Variants in EPS8L1 observed in about 807,000 individuals in gnomAD.
EPS8L1 encodes the protein EPS8 signaling adaptor L1.
EPS8L1 carries 101 observed loss-of-function variants against 91.7 expected under a neutral mutation model. That is an observed-to-expected ratio of 1.10 (90% CI 0.94 to 1.30). The LOEUF is 1.30. EPS8L1 is among the 50% of genes most tolerant of loss of function. The pLI is 0.00. For missense variants in EPS8L1, 1,114 were observed against 1,017.0 expected (o/e 1.10, Z -1.30); for synonymous variants, 506 against 445.3 (o/e 1.14, Z -1.72).
In EPS8L1 at chr19:55,083,620, G is replaced by C; in HGVS notation, c.1361G>C (p.Ser454Thr). 1.3e-6 allele frequency: 2 copies of C among 1,596,142 alleles called. No homozygotes were observed. The highest frequency in any genetic ancestry group is 1.7e-6 in the Non-Finnish European group (2 of 1,171,902). ...LQHERRRRQQ[S>T]APQVAVNGHR... ...CGACTGTCTTACTTCCTACAGCAAA[G>C]CGCCCCCCAGGTCGCTGTCAATGGG... The change falls in exon 14 of 20, where the codon AGC (serine) becomes ACC (threonine). Residue 454 changes from serine (S) to threonine (T), a missense_variant. Ser to Thr is a moderately conservative substitution (Grantham distance 58). Coordinates refer to ENST00000201647, the MANE Select transcript of EPS8L1 (RefSeq NM_133180.3). This position sits in a 1 kb window ranked among gnomAD's most constrained non-coding sequence, Gnocchi z 4.7.
Position 55,076,410 on chromosome 19 carries a change from C to T in EPS8L1, c.-35C>T, listed in dbSNP as rs748030180. 14 of 1,610,044 alleles carry T rather than the reference C, an allele frequency of 8.7e-6. No homozygotes were observed. The highest frequency in any genetic ancestry group is 4.5e-5 in the East Asian group (2 of 44,654). On this transcript the variant is annotated splice_region_variant and 5_prime_UTR_variant, in exon 2 of 20. Coordinates refer to ENST00000201647, the MANE Select transcript of EPS8L1 (RefSeq NM_133180.3). Reference sequence around the variant, plus strand: ...TTCACATGTTTGCTGGCTCCCAGGGCACCTCCAGGTGGGCAGGAGCTACCA... The same window carrying T: ...TTCACATGTTTGCTGGCTCCCAGGGTACCTCCAGGTGGGCAGGAGCTACCA...
chr19:55,082,497 G>C lies in EPS8L1; in HGVS notation c.1109G>C (p.Arg370Pro), dbSNP rs769479363. ...GGGCCGGAGTTCGCGAGCAGTGTGCGGCGGCCGCATCTGACATCGGATGCC... is the reference window on the plus strand; with the variant it reads ...GGGCCGGAGTTCGCGAGCAGTGTGCCGCGGCCGCATCTGACATCGGATGCC... ...SGGPEFASSVRRPHLTSDAVA... is the reference protein window; with the variant it reads ...SGGPEFASSVPRPHLTSDAVA... The change falls in exon 12 of 20, where the codon CGG (arginine) becomes CCG (proline). Residue 370 changes from arginine to proline, a missense_variant. Transcript: ENST00000201647. 3 of 1,612,546 alleles carry C rather than the reference G, an allele frequency of 1.9e-6. No individual in the cohort carries two copies. Among genetic ancestry groups the C allele is most frequent in the South Asian group, 2.2e-5 (2 of 91,042 alleles).
In EPS8L1 at chr19:55,087,680, C is replaced by G; in HGVS notation, c.*66C>G. The G allele has an allele frequency of 6.5e-7, 1 of 1,528,526 alleles. No individual in the cohort carries two copies. 94.7% of individuals were successfully genotyped at this position (1,528,526 alleles called of 1,614,324 possible). The stretch of plus-strand genomic sequence containing the variant: ...GGAGAACGGACTCCTCAGACTCTCC[C>G]CAATAGCGGAAGTCGATCTTCTGAA... On this transcript the variant is annotated 3_prime_UTR_variant, in exon 20 of 20. Coordinates refer to ENST00000201647, the MANE Select transcript of EPS8L1 (RefSeq NM_133180.3).
chr19:55,083,829 G>T lies in EPS8L1; in HGVS notation c.1385+185G>T, dbSNP rs779378464. On this transcript the variant is annotated intron_variant, in intron 14 of 19. Transcript: ENST00000201647. The surrounding 1 kb of genome is among the most constrained non-coding windows in gnomAD (Gnocchi z 4.7). ...GAGAGGGAGGAGCAGGGTGGGAGGG[G>T]GCGGGACCCAGACTTCTGGGGCTAA... 2 of 730,224 alleles carry T rather than the reference G, an allele frequency of 2.7e-6. No homozygotes were observed. Among genetic ancestry groups the T allele is most frequent in the South Asian group, 3.1e-5 (2 of 64,454 alleles). The allele number at this position is 730,224 out of a possible 1,614,324, so 45.2% of individuals were successfully genotyped here.
chr19:55,087,163 G>C (rs2076361621), intron 18 of EPS8L1, 140 bp from the exon 19 acceptor site: 2 of 1,298,388 alleles, frequency 1.5e-6, no homozygotes, highest in Admixed American at 5.6e-5. Flanking sequence ...TGGTGGGTGG[G>C]GTTCAGGAGG....
Position 55,079,072 on chromosome 19 carries a change from T to G in EPS8L1, c.117+15T>G, listed in dbSNP as rs1419565785. 1 of 1,613,620 alleles carries G rather than the reference T, an allele frequency of 6.2e-7. No homozygotes were observed. Among genetic ancestry groups the G allele is most frequent in the African/African-American group, 1.3e-5 (1 of 74,886 alleles). On this transcript the variant is annotated intron_variant, in intron 4 of 19. Transcript: ENST00000201647. ...ACCCAGTCAATGTGAGTCTGGGGTC[T>G]GTGTTCCCCCAGGACATCTTCTGGG...
chr19:55,085,715 A>G, intron 14 of EPS8L1, 126 bp from the exon 15 acceptor site: 1 of 1,071,664 alleles, frequency 9.3e-7, no homozygotes, highest in Admixed American at 2.3e-5. Flanking sequence ...ATTTCTATTA[A>G]CAGTATTAAC....
At position 55,082,287 on chromosome 19, in the gene EPS8L1, G is replaced by A. The variant is rs753137308; in HGVS notation, c.1003G>A (p.Gly335Ser). The change falls in exon 11 of 20, where the codon GGC becomes AGC. Residue 335 changes from glycine to serine, a missense_variant. Transcript: ENST00000201647. ...CCCCACGCCCCAGGCCCGGCTGCGC[G>A]GCAACATCGCCGACCCCTCCTCTCC... ...YAFSLLARLR[G>S]NIADPSSPEL... 6.2e-6 allele frequency: 10 copies of A among 1,611,784 alleles called. No individual in the cohort carries two copies. The Admixed American group carries it at 8.3e-5, about 13-fold the overall frequency.
intron 2 of EPS8L1, 62 bp from the exon 3 acceptor site, chr19:55,078,026 G>A: frequency 6.5e-7 from 1 of 1,538,426 alleles, no homozygotes; most frequent in Non-Finnish European, 9.0e-7. Context: ...TGCCCTGCTT[G>A]GCATTTCCAC....
Position 55,082,592 on chromosome 19 carries a change from A to T in EPS8L1, c.1204A>T (p.Thr402Ser), listed in dbSNP as rs1004081854. Residue 402 changes from threonine (T) to serine (S), a missense_variant, in exon 12 of 20, where the codon ACC (threonine) becomes TCC (serine). Thr to Ser is a moderately conservative substitution (Grantham distance 58). Transcript: ENST00000201647. The part of the protein sequence containing the change: ...ELWTSLGDSW[T>S]RPGLELSPEE... ...CTGGACCTCGCTGGGGGACTCGTGG[A>T]CCCGCCCCGGGTGAGGGGCGGGGCT... 1 of 1,559,422 alleles carries T rather than the reference A, an allele frequency of 6.4e-7. No individual in the cohort carries two copies.
At chr19:55,079,116 G>T (rs1483781761) in intron 4 of EPS8L1, 59 bp downstream of exon 4, 1 of 1,580,740 alleles carries the variant, frequency 6.3e-7, no homozygotes, top group Non-Finnish European at 8.7e-7. Context: ...GGCCTCAGGA[G>T]ATAGGGCTTT....
At position 55,080,738 on chromosome 19, in the gene EPS8L1, G is replaced by A. The variant is rs201449598; in HGVS notation, c.430-34G>A. ...GGCCCGGGTAGGAAGTGGGTGCGGC[G>A]TGGGGAGGCGTGGCCTGACGGTGTG... is the stretch of plus-strand genomic sequence containing the variant. On this transcript the variant is annotated intron_variant, in intron 6 of 19. Coordinates refer to ENST00000201647, the MANE Select transcript of EPS8L1 (RefSeq NM_133180.3). 416 of 1,601,518 alleles carry A rather than the reference G, an allele frequency of 2.6e-4. 1 individual carries two copies. The African/African-American group carries it at 4.1e-3, about 16-fold the overall frequency.
chr19:55,086,521 G>T lies in EPS8L1; in HGVS notation c.1777+3G>T. 1.9e-6 allele frequency: 3 copies of T among 1,550,826 alleles called. No homozygotes were observed. The highest frequency in any genetic ancestry group is 2.6e-6 in the Non-Finnish European group (3 of 1,146,654). ...CGGCTTGGACCCCAGCGAGAAGGGTGAGTGGTGGGGACGCCGGCTGCGGGG... is the reference window on the plus strand; with the variant it reads ...CGGCTTGGACCCCAGCGAGAAGGGTTAGTGGTGGGGACGCCGGCTGCGGGG... On this transcript the variant is annotated splice_donor_region_variant and intron_variant, in intron 17 of 19. Coordinates refer to ENST00000201647, the MANE Select transcript of EPS8L1 (RefSeq NM_133180.3).
rs2076368560 is a variant in EPS8L1, at chr19:55,087,751, A to G, written c.*137A>G. ...CCCTGGTCTTCCCCCATCCCGGTGG[A>G]CAGACTTAACGATCCTTGCTGCAGT... On this transcript the variant is annotated 3_prime_UTR_variant, in exon 20 of 20. Transcript: ENST00000201647. The G allele has an allele frequency of 6.8e-6, 6 of 876,030 alleles. No individual in the cohort carries two copies. In the South Asian group the frequency reaches 9.4e-5, roughly 14 times the overall value. The allele number at this position is 876,030 out of a possible 1,614,324, so 54.3% of individuals were successfully genotyped here. A position where few individuals can be genotyped will look rare whatever the true frequency, so the allele number is the denominator to read the frequency against.
In EPS8L1 at chr19:55,079,886, G is replaced by C. The variant is rs557358947; in HGVS notation, c.279+35G>C. ...GGCACGTGGGTGGGAGGAGTGTCTG[G>C]GGCAGGGACTTCAGGGGGTCTGGGT... On this transcript the variant is annotated intron_variant, in intron 5 of 19. Transcript: ENST00000201647. 1.9e-5 allele frequency: 30 copies of C among 1,580,630 alleles called. No individual in the cohort carries two copies. In the East Asian group the frequency reaches 5.3e-4, roughly 28 times the overall value.
At chr19:55,086,261 G>A in intron 16 of EPS8L1, 69 bp downstream of exon 16, 9 of 1,607,634 alleles carry the variant, frequency 5.6e-6, no homozygotes, top group Non-Finnish European at 7.6e-6. Flanking sequence ...AACAAGGGGC[G>A]TGGGGATCAG....
chr19:55,082,488 G>A lies in EPS8L1; in HGVS notation c.1100G>A (p.Ser367Asn), dbSNP rs2076289932. Residue 367 changes from serine to asparagine, a missense_variant, in exon 12 of 20, where the codon AGC becomes AAC. Physicochemically the swap from Ser to Asn is conservative, Grantham distance 46 (BLOSUM62 1). Transcript: ENST00000201647. Reference protein sequence around the residue: ...VNTSGGPEFASSVRRPHLTSD... With the variant: ...VNTSGGPEFANSVRRPHLTSD... ...ACGTCGGGGGGGCCGGAGTTCGCGA[G>A]CAGTGTGCGGCGGCCGCATCTGACA... is the stretch of plus-strand genomic sequence containing the variant. 1 of 1,612,664 alleles carries A rather than the reference G, an allele frequency of 6.2e-7. No individual in the cohort carries two copies. The highest frequency in any genetic ancestry group is 8.5e-7 in the Non-Finnish European group (1 of 1,179,808).
Position 55,087,732 on chromosome 19 carries a change from T to A in EPS8L1, c.*118T>A. On this transcript the variant is annotated 3_prime_UTR_variant, in exon 20 of 20. Transcript: ENST00000201647. ...GATGGCCAATCTGCTCCGGCCCTGG[T>A]CTTCCCCCATCCCGGTGGACAGACT... 1 of 1,024,028 alleles carries A rather than the reference T, an allele frequency of 9.8e-7. No individual in the cohort carries two copies. The highest frequency in any genetic ancestry group is 1.5e-6 in the Non-Finnish European group (1 of 673,656). 63.4% of individuals were successfully genotyped at this position (1,024,028 alleles called of 1,614,324 possible).
chr19:55,086,634 C>CGCG, intron 17 of EPS8L1, 80 bp from the exon 18 acceptor site: 1 of 1,374,838 alleles, frequency 7.3e-7, no homozygotes, highest in Non-Finnish European at 9.8e-7. Flanking sequence ...GACGCTGGAG[C>CGCG]GCCCCCCCGC....
Sources: gnomAD v4.1 joint callset for allele counts on GRCh38, gnomAD v4.1.1 for gene constraint, Gnocchi (gnomAD v3.1) non-coding constraint, MANE v1.5 for transcripts, NCBI Gene and HGNC (gene_info 2026-07-23, HGNC 2026-07-21) for gene names.